Variants in NYAP2 observed in about 807,000 individuals in gnomAD.
NYAP2 encodes the protein neuronal tyrosine-phosphorylated phosphoinositide-3-kinase adaptor 2.
In NYAP2, 23 loss-of-function variants were observed where a neutral mutation model predicts 50.4. The observed-to-expected ratio is 0.46, with a 90% CI of 0.33 to 0.65. The LOEUF is 0.65. Among genes scored for constraint, NYAP2 ranks in the 30% least tolerant of loss-of-function variants. The pLI is 0.02. For missense variants in NYAP2, 885 were observed against 861.0 expected (o/e 1.03, Z -0.35); for synonymous variants, 394 against 365.2 (o/e 1.08, Z -0.90).
At chr2:225,645,678 C>G (rs892684453) in intron 6 of NYAP2, among the ~76,000 whole-genome samples, 2 of 152,162 alleles carry the variant, frequency 1.3e-5, no homozygotes, top group Admixed American at 6.5e-5. Context: ...TAATTAATCT[C>G]TCAATTAGGA....
intron 3 of NYAP2, among the ~76,000 whole-genome samples, chr2:225,473,151 T>C (rs1690040149): frequency 6.6e-6 from 1 of 152,268 alleles, no homozygotes; most frequent in Non-Finnish European, 1.5e-5. Context: ...TCGTTTTTTA[T>C]GGCTGCATAG....
the NYAP2 span, among the ~76,000 whole-genome samples, chr2:225,675,010 G>A: frequency 0.028 from 4,242 of 152,090 alleles, 226 homozygotes; most frequent in African/African-American, 0.096. Context: ...AGTAAAGTGA[G>A]TGATTATCCA....
intron 3 of NYAP2, among the ~76,000 whole-genome samples, chr2:225,428,003 G>A (rs1272106486): frequency 6.6e-6 from 1 of 151,978 alleles, no homozygotes; most frequent in African/African-American, 2.4e-5. Context: ...TCTCTCTCTG[G>A]TTAAGCTCAT....
chr2:225,640,094 A>G (rs1693500306), intron 6 of NYAP2, among the ~76,000 whole-genome samples: 1 of 152,206 alleles, frequency 6.6e-6, no homozygotes, highest in African/African-American at 2.4e-5. Context: ...ATGTGATCAC[A>G]TATACAGAGT....
At chr2:225,610,006 T>C (rs912640787) in intron 5 of NYAP2, among the ~76,000 whole-genome samples, 2 of 152,174 alleles carry the variant, frequency 1.3e-5, no homozygotes, top group Admixed American at 6.5e-5. Context: ...CGTTGGTTTC[T>C]TCATCAGTAA....
chr2:225,585,373 A>T (rs1401312037), intron 5 of NYAP2, among the ~76,000 whole-genome samples: 1 of 152,250 alleles, frequency 6.6e-6, no homozygotes, highest in Admixed American at 6.5e-5. Context: ...CTAGAAAAAA[A>T]AAGTATATGT....
chr2:225,427,521 C>A (rs1328461339), intron 3 of NYAP2, among the ~76,000 whole-genome samples: 4 of 152,198 alleles, frequency 2.6e-5, no homozygotes, highest in Non-Finnish European at 4.4e-5. Context: ...TTAGCCTCTG[C>A]TCACGTCTGT....
intron 5 of NYAP2, among the ~76,000 whole-genome samples, chr2:225,599,276 A>G (rs1335585920): frequency 6.6e-6 from 1 of 152,236 alleles, no homozygotes; most frequent in Non-Finnish European, 1.5e-5. Flanking sequence ...GAAAGACCTA[A>G]AAAGCACTCA....
chr2:225,460,699 T>A (rs1366434209), intron 3 of NYAP2, among the ~76,000 whole-genome samples: 1 of 152,230 alleles, frequency 6.6e-6, no homozygotes, highest in African/African-American at 2.4e-5. Context: ...CTTTGGAATT[T>A]AAAATTGGCA....
intron 3 of NYAP2, among the ~76,000 whole-genome samples, chr2:225,509,619 C>T (rs949344699): frequency 3.3e-5 from 5 of 152,154 alleles, no homozygotes; most frequent in Non-Finnish European, 7.3e-5. Flanking sequence ...GTTCAAATTG[C>T]TGAAGGGGCA....
At chr2:225,586,970 T>C (rs1315270872) in intron 5 of NYAP2, among the ~76,000 whole-genome samples, 1 of 152,130 alleles carries the variant, frequency 6.6e-6, no homozygotes, top group African/African-American at 2.4e-5. Flanking sequence ...ACAATCATGA[T>C]GGAAGGCGGA....
chr2:225,504,207 C>T (rs949787946), intron 3 of NYAP2, among the ~76,000 whole-genome samples: 2 of 152,264 alleles, frequency 1.3e-5, no homozygotes, highest in South Asian at 4.1e-4. Context: ...GAGCTGATGG[C>T]AGATTCAGTG....
At chr2:225,535,816 A>G (rs1691339646) in intron 4 of NYAP2, among the ~76,000 whole-genome samples, 2 of 152,302 alleles carry the variant, frequency 1.3e-5, no homozygotes, top group South Asian at 4.1e-4. Flanking sequence ...AAAGTGCTAC[A>G]TTTCCTATTG....
At chr2:225,629,012 T>C (rs1357388373) in intron 6 of NYAP2, among the ~76,000 whole-genome samples, 1 of 152,158 alleles carries the variant, frequency 6.6e-6, no homozygotes, top group African/African-American at 2.4e-5. Context: ...GATATAAATA[T>C]ATAAAGAGAT....
At position 225,476,721 on chromosome 2, in the gene NYAP2, C is replaced by A. The variant is rs374926071; in HGVS notation, c.222-36650C>A. ...TGAATTTCAAGCACACACCAGTGGT[C>A]CCTAAACATAGAATTGAAGAGATAC... is the stretch of plus-strand genomic sequence containing the variant. On this transcript the variant is annotated intron_variant, in intron 3 of 6. Coordinates refer to ENST00000636099, the Ensembl canonical transcript of NYAP2. Among the ~76,000 whole-genome samples, 16 of 152,170 alleles carry A rather than the reference C, an allele frequency of 1.1e-4. No individual in the cohort carries two copies. The East Asian group carries it at 2.7e-3, about 26-fold the overall frequency.
At chr2:225,656,124 G>T (rs1693821288), downstream of NYAP2, among the ~76,000 whole-genome samples, 1 of 152,070 alleles carries the variant, frequency 6.6e-6, no homozygotes, top group African/African-American at 2.4e-5. Context: ...CTTGATTTGG[G>T]GGAGGGAGGT....
intron 4 of NYAP2, among the ~76,000 whole-genome samples, chr2:225,560,227 A>G (rs1487566836): frequency 1.3e-5 from 2 of 152,064 alleles, no homozygotes; most frequent in Non-Finnish European, 2.9e-5. Flanking sequence ...CATTTTTTCT[A>G]TGCCAATAGG....
chr2:225,579,954 A>T (rs2106227830), intron 4 of NYAP2, among the ~76,000 whole-genome samples: 1 of 151,130 alleles, frequency 6.6e-6, no homozygotes, highest in East Asian at 1.9e-4. Context: ...TCTCAGGGAC[A>T]CACACTAATT....
At chr2:225,408,718 AT>A in intron 2 of NYAP2, 145 bp from the exon 3 acceptor site, 1 of 556,154 alleles carries the variant, frequency 1.8e-6, no homozygotes, top group East Asian at 2.9e-5. Context: ...TACTTCAAAT[AT>A]TGTGGTTGTA....
Sources: gnomAD v4.1 joint callset for allele counts (sites outside exome capture counted in the v4.1 genomes callset) on GRCh38, gnomAD v4.1.1 for gene constraint, MANE v1.5 for transcripts, NCBI Gene and HGNC (gene_info 2026-07-23, HGNC 2026-07-21) for gene names.